Variants in USH2A observed in about 807,000 individuals in gnomAD.
The protein encoded by USH2A is usherin.
Under a neutral mutation model 538.9 loss-of-function variants are expected in USH2A, and 443 were observed. The observed-to-expected ratio is 0.82, with a 90% CI of 0.76 to 0.89. The LOEUF (loss-of-function observed/expected upper bound fraction) is 0.89, where lower values mean the gene tolerates loss of function less well. Among genes scored for constraint, USH2A ranks in the 40% least tolerant of loss-of-function variants. The pLI, the probability that USH2A is intolerant of heterozygous loss-of-function variation, is 0.00. For missense variants in USH2A, 6,633 were observed against 6,324.8 expected (o/e 1.05, Z -1.65); for synonymous variants, 2,413 against 2,273.5 (o/e 1.06, Z -1.75).
chr1:215,959,466 A>G (rs1667145975), intron 37 of USH2A, among the ~76,000 whole-genome samples: 1 of 151,916 alleles, frequency 6.6e-6, no homozygotes, highest in Non-Finnish European at 1.5e-5. Context: ...GATTAGACAT[A>G]TTTACTCTGG....
chr1:216,393,291 C>T (rs888163311), intron 3 of USH2A, among the ~76,000 whole-genome samples: 3 of 152,094 alleles, frequency 2.0e-5, no homozygotes, highest in Non-Finnish European at 4.4e-5. Context: ...ACTTAATAAC[C>T]TTACTTAGTT....
At chr1:216,162,047 T>C (rs1367830178) in intron 21 of USH2A, among the ~76,000 whole-genome samples, 1 of 152,102 alleles carries the variant, frequency 6.6e-6, no homozygotes, top group Non-Finnish European at 1.5e-5. Flanking sequence ...GCCCTCCTTA[T>C]GGTTTGCTAA....
At chr1:215,906,754 A>C (rs760398999) in intron 38 of USH2A, among the ~76,000 whole-genome samples, 1 of 152,074 alleles carries the variant, frequency 6.6e-6, no homozygotes, top group Non-Finnish European at 1.5e-5. Context: ...GAATTAGTCA[A>C]CATCCACAGA....
intron 21 of USH2A, among the ~76,000 whole-genome samples, chr1:216,124,845 A>G (rs2033216222): frequency 6.6e-6 from 1 of 152,160 alleles, no homozygotes; most frequent in Non-Finnish European, 1.5e-5. Context: ...TACCAGTGTA[A>G]AGAAGGGTTT....
rs1657799790 is a variant in USH2A at position 215,671,087 on chromosome 1, T to C, written c.14018A>G (p.Tyr4673Cys). 2 of 1,614,156 alleles carry C rather than the reference T, an allele frequency of 1.2e-6. No homozygotes were observed. Among genetic ancestry groups the C allele is most frequent in the Admixed American group, 1.7e-5 (1 of 60,022 alleles). Reference protein sequence around the residue: ...PNGKVLYYELYRRQIATQPRK... With the variant: ...PNGKVLYYELCRRQIATQPRK... ...AGGCTGAGTTGCTATTTGTCTTCTG[T>C]ATAATTCGTAATACAAAACTTTTCC... The change falls in exon 64 of 72, where the codon TAC (tyrosine) becomes TGC (cysteine). Residue 4673 changes from tyrosine to cysteine, a missense_variant. By Grantham distance (194) the Tyr-to-Cys change is radical. Transcript: ENST00000307340.
chr1:215,866,944 A>G, intron 44 of USH2A, 63 bp downstream of exon 44: 1 of 1,609,718 alleles, frequency 6.2e-7, no homozygotes, highest in South Asian at 1.1e-5. Context: ...GGTTCATAGT[A>G]AAGAAAGAAT....
chr1:215,764,421 A>C (rs537822698), intron 56 of USH2A, among the ~76,000 whole-genome samples: 2 of 152,286 alleles, frequency 1.3e-5, no homozygotes, highest in South Asian at 2.1e-4. Context: ...GGATGGCAGT[A>C]ATTGTAGAAA....
chr1:215,826,274 G>T (rs10779661), intron 47 of USH2A, among the ~76,000 whole-genome samples: 53,419 of 151,958 alleles, frequency 0.35, 10,442 homozygotes, highest in Admixed American at 0.5. Context: ...TGCTCTTTTG[G>T]CACCACAAGT....
rs151041838 is a variant in USH2A at position 216,346,508 on chromosome 1, T to C, written c.784+18445A>G. On this transcript the variant is annotated intron_variant, in intron 4 of 71. Transcript: ENST00000307340. ...TGGTATGCAATAACTAGGTAGGAAA[T>C]ACACTTTTGAGAATGGCTAATGGCA... 4.4e-4 allele frequency among the ~76,000 whole-genome samples: 67 copies of C among 152,138 alleles called. 1 individual carries two copies. In the East Asian group the frequency reaches 8.7e-3, roughly 20 times the overall value.
At chr1:215,852,202 G>T (rs1487691708) in intron 44 of USH2A, among the ~76,000 whole-genome samples, 1 of 152,164 alleles carries the variant, frequency 6.6e-6, no homozygotes, top group Admixed American at 6.5e-5. Flanking sequence ...CCGCATGGCT[G>T]GGGATGCCTC....
chr1:215,898,879 C>G (rs116730181), intron 40 of USH2A, among the ~76,000 whole-genome samples: 2 of 152,098 alleles, frequency 1.3e-5, no homozygotes, highest in African/African-American at 4.8e-5. Flanking sequence ...ACTTTGGGTG[C>G]CATTTATCGT....
In USH2A at chr1:216,046,453, ACTGCCTGAATAGAT is replaced by A. The variant is rs111033268; in HGVS notation, c.6289_6302del (p.Ile2097Ter). 16 of 1,613,264 alleles carry A rather than the reference ACTGCCTGAATAGAT, an allele frequency of 9.9e-6. No individual in the cohort carries two copies. Among genetic ancestry groups the A allele is most frequent in the African/African-American group, 1.3e-5 (1 of 74,758 alleles). On this transcript the variant is annotated frameshift_variant, in exon 32 of 72. Transcript: ENST00000307340. LOFTEE classifies it high-confidence loss of function. ...TACCTGTGACTATGTAGTTCTCCTC[ACTGCCTGAATAGAT>A]CAGCCTCCCATCCATGTATAAACAG...
chr1:216,355,045 C>G (rs575960216), intron 4 of USH2A, among the ~76,000 whole-genome samples: 1 of 151,962 alleles, frequency 6.6e-6, no homozygotes, highest in African/African-American at 2.4e-5. Context: ...TGGTGGCTCA[C>G]ACTTGTAATC....
intron 21 of USH2A, among the ~76,000 whole-genome samples, chr1:216,114,122 T>G (rs1295084375): frequency 1.3e-5 from 2 of 151,900 alleles, no homozygotes. Context: ...CTTGTTAAGC[T>G]ATAGTACTTA....
Position 215,790,253 on chromosome 1 carries a change from T to C in USH2A, c.9988A>G (p.Asn3330Asp). 1 of 1,614,030 alleles carries C rather than the reference T, an allele frequency of 6.2e-7. No homozygotes were observed. The highest frequency in any genetic ancestry group is 8.5e-7 in the Non-Finnish European group (1 of 1,179,996). ...GMFCCGQDYV[N>D]MSDTICCSAS... ...GAGCAGCATATGGTATCTGACATAT[T>C]CACATAATCCTGCCCACAACAGAAC... is the stretch of plus-strand genomic sequence containing the variant. Residue 3330 changes from asparagine to aspartate, a missense_variant, in exon 51 of 72, where the codon AAT (asparagine) becomes GAT (aspartate). Coordinates refer to ENST00000307340, the MANE Select transcript of USH2A (RefSeq NM_206933.4).
chr1:216,337,463 C>T (rs1372437656), intron 4 of USH2A, among the ~76,000 whole-genome samples: 2 of 151,314 alleles, frequency 1.3e-5, no homozygotes, highest in African/African-American at 2.4e-5. Flanking sequence ...TATATCTCAA[C>T]AAATTAAATC....
rs192024552 is a variant in USH2A at position 216,095,631 on chromosome 1, G to A, written c.4758+1452C>T. ...GAGGACCTGCTGTGCACCAGCCAGG[G>A]AGTTAGCAGAGCCCTGTCAAGTCAT... On this transcript the variant is annotated intron_variant, in intron 22 of 71. Transcript: ENST00000307340. Among the ~76,000 whole-genome samples, 12 of 152,270 alleles carry A rather than the reference G, an allele frequency of 7.9e-5. No homozygotes were observed. In the East Asian group the frequency reaches 2.1e-3, roughly 27 times the overall value.
chr1:215,681,652 CAG>C (rs1378961032), intron 61 of USH2A, among the ~76,000 whole-genome samples: 3 of 152,128 alleles, frequency 2.0e-5, no homozygotes, highest in Admixed American at 2.0e-4. Context: ...CAAAATCAAA[CAG>C]AATTGTTTTC....
At chr1:216,251,681 C>T (rs140912975) in intron 11 of USH2A, among the ~76,000 whole-genome samples, 56 of 152,108 alleles carry the variant, frequency 3.7e-4, no homozygotes, top group Middle Eastern at 3.4e-3. Context: ...ACCTCGTGAT[C>T]CGCCCGCCTC....
Sources: gnomAD v4.1 joint callset for allele counts (sites outside exome capture counted in the v4.1 genomes callset) on GRCh38, gnomAD v4.1.1 for gene constraint, MANE v1.5 for transcripts, NCBI Gene and HGNC (gene_info 2026-07-23, HGNC 2026-07-21) for gene names.